Variants in COX10 observed in about 807,000 individuals in gnomAD.
COX10 encodes the protein cytochrome c oxidase assembly factor heme A:farnesyltransferase COX10.
A neutral mutation model predicts 37.3 loss-of-function variants in COX10; 27 were observed. The ratio of observed to expected loss-of-function variants is 0.72; its 90% CI spans 0.53 to 1.00. The LOEUF (loss-of-function observed/expected upper bound fraction) is 1.00. Among genes scored for constraint, COX10 ranks in the 50% least tolerant of loss-of-function variants. COX10 has a pLI of 0.00. For missense variants in COX10, 475 were observed against 563.2 expected, an observed-to-expected ratio of 0.84 and a Z score of 1.59; for synonymous variants, 222 against 229.1, an observed-to-expected ratio of 0.97 and a Z score of 0.28.
rs1355378833 is a variant in COX10 at position 14,192,240 on chromosome 17, G to T, written c.928+19G>T. On this transcript the variant is annotated intron_variant, in intron 6 of 6. Coordinates refer to ENST00000261643, the MANE Select transcript of COX10 (RefSeq NM_001303.4). ...GATGCTGGTAAGTGTCCCGCGATGTGGAGTCTCATATGAGCACACTCGGTC... is the reference window on the plus strand; with the variant it reads ...GATGCTGGTAAGTGTCCCGCGATGTTGAGTCTCATATGAGCACACTCGGTC... The T allele has an allele frequency of 6.2e-7, 1 of 1,614,036 alleles. No individual in the cohort carries two copies. The highest frequency in any genetic ancestry group is 8.5e-7 in the Non-Finnish European group (1 of 1,179,986).
At chr17:14,193,903 G>T (rs1228617793) in intron 6 of COX10, among the ~76,000 whole-genome samples, 1 of 151,504 alleles carries the variant, frequency 6.6e-6, no homozygotes, top group African/African-American at 2.4e-5. Flanking sequence ...CCTAGGCTGT[G>T]CATGGGGAGT....
chr17:14,170,559 A>G (rs7223729), intron 5 of COX10, among the ~76,000 whole-genome samples: 58,465 of 152,112 alleles, frequency 0.38, 11,376 homozygotes, highest in African/African-American at 0.44. Context: ...TCACACCTAT[A>G]ATTTCAACAA....
intron 3 of COX10, among the ~76,000 whole-genome samples, chr17:14,082,398 G>A (rs1023214017): frequency 9.9e-5 from 15 of 152,152 alleles, no homozygotes; most frequent in Admixed American, 2.0e-4. Flanking sequence ...CTAAATCAGG[G>A]AATAGTGATT....
chr17:14,172,578 C>CTTTTTTTTTTTT (rs57560461), intron 5 of COX10, among the ~76,000 whole-genome samples: 5 of 105,598 alleles, frequency 4.7e-5, no homozygotes, highest in African/African-American at 1.0e-4. Context: ...TTTTCTTTTT[C>CTTTTTTTTTTTT]TTTTTTTTTT....
Position 14,074,426 on chromosome 17 carries a change from A to G in COX10, c.147A>G (p.Thr49=). The change falls in exon 2 of 7, where the codon ACA becomes ACG. Residue 49 remains threonine (T), a synonymous_variant. Coordinates refer to ENST00000261643, the MANE Select transcript of COX10 (RefSeq NM_001303.4). ...LLRNVNKQWI[T]FQHFSFLKRM... The stretch of plus-strand genomic sequence containing the variant: ...GGAATGTCAATAAGCAGTGGATTAC[A>G]TTTCAGCACTTTAGCTTCCTCAAAC... 1 of 1,613,974 alleles carries G rather than the reference A, an allele frequency of 6.2e-7. No individual in the cohort carries two copies. The highest frequency in any genetic ancestry group is 8.5e-7 in the Non-Finnish European group (1 of 1,179,870).
chr17:14,147,207 T>G (rs1457662531), intron 4 of COX10, among the ~76,000 whole-genome samples: 2 of 152,218 alleles, frequency 1.3e-5, no homozygotes, highest in Non-Finnish European at 2.9e-5. Flanking sequence ...CCATGTTTGT[T>G]GCAGCTCTGT....
intron 4 of COX10, among the ~76,000 whole-genome samples, chr17:14,107,874 A>T (rs1915931075): frequency 6.6e-6 from 1 of 152,136 alleles, no homozygotes; most frequent in African/African-American, 2.4e-5. Context: ...AGCCTTGATG[A>T]GTAGAATGCT....
In COX10 at chr17:14,110,942, G is replaced by A. The variant is rs573355474; in HGVS notation, c.624+8700G>A. ...AAAATTGGTATCATTGGATGATTCT[G>A]AATTCTAAACTGAGCCCCCAGACAC... On this transcript the variant is annotated intron_variant, in intron 4 of 6. Coordinates refer to ENST00000261643, the MANE Select transcript of COX10 (RefSeq NM_001303.4). 2.6e-5 allele frequency among the ~76,000 whole-genome samples: 4 copies of A among 152,216 alleles called. No homozygotes were observed. The East Asian group carries it at 5.8e-4, about 22-fold the overall frequency.
At position 14,115,228 on chromosome 17, in the gene COX10, A is replaced by G. The variant is rs138679162; in HGVS notation, c.624+12986A>G. On this transcript the variant is annotated intron_variant, in intron 4 of 6. Transcript: ENST00000261643. ...AGATCTGTCATTTAAAAATGAAACT[A>G]CATTTTACGATGTACAGAGGAAGAT... Among the ~76,000 whole-genome samples the G allele has an allele frequency of 5.9e-3, 897 of 152,288 alleles. 15 individuals are homozygous for G. Among genetic ancestry groups the G allele is most frequent in the African/African-American group, 0.02 (849 of 41,578 alleles).
chr17:14,203,440 A>G (rs1159250609), intron 6 of COX10, among the ~76,000 whole-genome samples: 1 of 152,128 alleles, frequency 6.6e-6, no homozygotes, highest in East Asian at 1.9e-4. Flanking sequence ...CTCTTAAACC[A>G]TCTGTACCCA....
At chr17:14,188,102 C>CTTTTTTTTT (rs1157321131) in intron 5 of COX10, among the ~76,000 whole-genome samples, 1 of 123,658 alleles carries the variant, frequency 8.1e-6, no homozygotes, top group Non-Finnish European at 1.7e-5. Context: ...CCTTCTTCTT[C>CTTTTTTTTT]TTTTTTTTTT....
chr17:14,134,246 C>T (rs1341124000), intron 4 of COX10, among the ~76,000 whole-genome samples: 1 of 151,658 alleles, frequency 6.6e-6, no homozygotes, highest in African/African-American at 2.4e-5. Flanking sequence ...TCTACTTGTA[C>T]TCATGACCTT....
intron 4 of COX10, among the ~76,000 whole-genome samples, chr17:14,113,542 A>G (rs1365729672): frequency 6.6e-6 from 1 of 152,198 alleles, no homozygotes; most frequent in African/African-American, 2.4e-5. Context: ...TGAGAAAGTG[A>G]AGCATGAACT....
intron 3 of COX10, among the ~76,000 whole-genome samples, chr17:14,097,834 A>G (rs750690324): frequency 2.0e-5 from 3 of 152,204 alleles, no homozygotes; most frequent in Non-Finnish European, 2.9e-5. Context: ...TATTTAAAGT[A>G]TAATACATCG....
chr17:14,091,326 A>G (rs1402481428), intron 3 of COX10, among the ~76,000 whole-genome samples: 2 of 152,224 alleles, frequency 1.3e-5, no homozygotes, highest in East Asian at 3.8e-4. Context: ...TCCTGTTATC[A>G]GTGAATTGCT....
chr17:14,190,886 A>C (rs1434006596), intron 5 of COX10, among the ~76,000 whole-genome samples: 1 of 152,076 alleles, frequency 6.6e-6, no homozygotes, highest in African/African-American at 2.4e-5. Flanking sequence ...ATGTGTGCAC[A>C]TAGGGTAAAG....
At chr17:14,144,050 T>A (rs1411138323) in intron 4 of COX10, among the ~76,000 whole-genome samples, 1 of 152,194 alleles carries the variant, frequency 6.6e-6, no homozygotes, top group Non-Finnish European at 1.5e-5. Flanking sequence ...TTTCCTTTGC[T>A]TTATAGTTCA....
intron 4 of COX10, among the ~76,000 whole-genome samples, chr17:14,150,471 T>C (rs1041853451): frequency 6.6e-6 from 1 of 152,180 alleles, no homozygotes; most frequent in African/African-American, 2.4e-5. Context: ...TATTAGGATG[T>C]TGGAGGTTAA....
chr17:14,149,646 G>A (rs1020450963), intron 4 of COX10, among the ~76,000 whole-genome samples: 3 of 152,046 alleles, frequency 2.0e-5, no homozygotes, highest in African/African-American at 4.8e-5. Context: ...TGGAAGGCAG[G>A]GACTGCTGTT....
Sources: gnomAD v4.1 joint callset for allele counts (sites outside exome capture counted in the v4.1 genomes callset) on GRCh38, gnomAD v4.1.1 for gene constraint, MANE v1.5 for transcripts, NCBI Gene and HGNC (gene_info 2026-07-23, HGNC 2026-07-21) for gene names.